MIPOL1: variants seen among roughly 807,000 people sequenced by gnomAD.
The protein encoded by MIPOL1 is mirror-image polydactyly 1.
Under a neutral mutation model 60.9 loss-of-function variants are expected in MIPOL1, and 57 were observed. That is an observed-to-expected ratio of 0.94 (90% CI 0.76 to 1.17). The LOEUF (loss-of-function observed/expected upper bound fraction) is 1.17. MIPOL1 is among the 50% of genes most tolerant of loss of function. The pLI is 0.00. For missense variants in MIPOL1, 551 were observed against 511.6 expected (o/e 1.08, Z -0.74); for synonymous variants, 179 against 168.8 (o/e 1.06, Z -0.47).
At chr14:37,493,022 A>C (rs1186753326) in intron 11 of MIPOL1, among the ~76,000 whole-genome samples, 1 of 152,224 alleles carries the variant, frequency 6.6e-6, no homozygotes. Context: ...ATTAAAATAA[A>C]TAGCATATAT....
In MIPOL1 at chr14:37,480,450, A is replaced by G. The variant is rs147032431; in HGVS notation, c.1032-19458A>G. ...ATTAACAGAATGAAAAACAAAAGCC[A>G]TGTGGTTATCTCATTAGATGCAGAA... is the stretch of plus-strand genomic sequence containing the variant. On this transcript the variant is annotated intron_variant, in intron 11 of 12. Coordinates refer to ENST00000684589, the MANE Select transcript of MIPOL1 (RefSeq NM_001388067.1). 1.5e-3 allele frequency among the ~76,000 whole-genome samples: 234 copies of G among 152,180 alleles called. 1 individual carries two copies. Among genetic ancestry groups the G allele is most frequent in the African/African-American group, 5.5e-3 (227 of 41,530 alleles).
chr14:37,498,023 G>A (rs1594739588), intron 11 of MIPOL1, among the ~76,000 whole-genome samples: 1 of 152,034 alleles, frequency 6.6e-6, no homozygotes, highest in Non-Finnish European at 1.5e-5. Context: ...AATAAGTTAC[G>A]GCATATGTAT....
chr14:37,221,934 C>T (rs1968839834), intron 1 of MIPOL1, among the ~76,000 whole-genome samples: 1 of 146,890 alleles, frequency 6.8e-6, no homozygotes, highest in Non-Finnish European at 1.5e-5. Context: ...GTTGTTCCAG[C>T]ATAAACTCAA....
At chr14:37,424,517 C>G (rs2093928586) in intron 11 of MIPOL1, among the ~76,000 whole-genome samples, 1 of 152,146 alleles carries the variant, frequency 6.6e-6, no homozygotes, top group South Asian at 2.1e-4. Flanking sequence ...GAACATAGCC[C>G]AGCCGACACC....
At chr14:37,361,626 T>TGCCTCTCTCGCAG (rs2092256104) in intron 9 of MIPOL1, among the ~76,000 whole-genome samples, 1 of 138,958 alleles carries the variant, frequency 7.2e-6, no homozygotes. Flanking sequence ...TTTTTTTTTT[T>TGCCTCTCTCGCAG]TTTTTTTTTT....
chr14:37,531,894 A>G (rs968881476), intron 12 of MIPOL1, among the ~76,000 whole-genome samples: 1 of 152,014 alleles, frequency 6.6e-6, no homozygotes, highest in South Asian at 2.1e-4. Context: ...ATAAGCTGTC[A>G]TCTTGGTGGA....
intron 3 of MIPOL1, among the ~76,000 whole-genome samples, chr14:37,252,152 A>T (rs1275885383): frequency 6.6e-6 from 1 of 151,638 alleles, no homozygotes; most frequent in Non-Finnish European, 1.5e-5. Context: ...TAGGTTTATT[A>T]TTTGGGGGGA....
intron 7 of MIPOL1, among the ~76,000 whole-genome samples, chr14:37,307,628 A>G (rs2086897011): frequency 6.6e-6 from 1 of 152,008 alleles, no homozygotes; most frequent in African/African-American, 2.4e-5. Context: ...CATTGCTTTT[A>G]AGGGAACATA....
rs185438829 is a variant in MIPOL1 at position 37,431,122 on chromosome 14, C to T, written c.1031+8173C>T. Among the ~76,000 whole-genome samples, 56 of 152,170 alleles carry T rather than the reference C, an allele frequency of 3.7e-4. 1 individual carries two copies. Among genetic ancestry groups the T allele is most frequent in the Non-Finnish European group, 5.6e-4 (38 of 68,000 alleles). On this transcript the variant is annotated intron_variant, in intron 11 of 12. Transcript: ENST00000684589. ...GGTCCTGGAATTTGATGTTTCTAAA[C>T]GTTGTTTCTATTAGCTTGAGAAAAA...
intron 11 of MIPOL1, among the ~76,000 whole-genome samples, chr14:37,425,177 A>G (rs1181729255): frequency 6.6e-6 from 1 of 152,164 alleles, no homozygotes; most frequent in Non-Finnish European, 1.5e-5. Context: ...CATTTATGGG[A>G]CAAGACAGTA....
chr14:37,502,514 C>G (rs1166485533), intron 12 of MIPOL1: 5 of 152,540 alleles, frequency 3.3e-5, no homozygotes, highest in Non-Finnish European at 7.3e-5. Context: ...TCCAACAGAC[C>G]TGCAGCTGAG....
chr14:37,520,354 G>A (rs2095404209), intron 12 of MIPOL1, among the ~76,000 whole-genome samples: 1 of 152,130 alleles, frequency 6.6e-6, no homozygotes, highest in Admixed American at 6.6e-5. Flanking sequence ...ATGAAAGTTA[G>A]GAAGGAACGA....
At chr14:37,266,388 G>A (rs1346048496) in intron 3 of MIPOL1, among the ~76,000 whole-genome samples, 1 of 152,076 alleles carries the variant, frequency 6.6e-6, no homozygotes, top group Non-Finnish European at 1.5e-5. Flanking sequence ...TTCTGTAATA[G>A]GCTGGCATTA....
chr14:37,424,422 A>G (rs1341425336), intron 11 of MIPOL1, among the ~76,000 whole-genome samples: 1 of 152,150 alleles, frequency 6.6e-6, no homozygotes, highest in Non-Finnish European at 1.5e-5. Context: ...CCATGTATCT[A>G]CAAGCCAAGG....
At chr14:37,413,783 C>G (rs2093717902) in intron 10 of MIPOL1, among the ~76,000 whole-genome samples, 1 of 152,136 alleles carries the variant, frequency 6.6e-6, no homozygotes, top group African/African-American at 2.4e-5. Context: ...GGAAACAAGG[C>G]AGTTCCTAAG....
At chr14:37,537,122 C>G (rs2095509640) in intron 12 of MIPOL1, among the ~76,000 whole-genome samples, 1 of 152,106 alleles carries the variant, frequency 6.6e-6, no homozygotes, top group Admixed American at 6.6e-5. Context: ...ATGACTATCA[C>G]AAGATATTGG....
chr14:37,510,822 C>T (rs1477299636), intron 12 of MIPOL1, among the ~76,000 whole-genome samples: 1 of 152,124 alleles, frequency 6.6e-6, no homozygotes, highest in African/African-American at 2.4e-5. Flanking sequence ...AATACTTTTT[C>T]TTCCAACCCA....
chr14:37,404,683 G>C (rs534013912), intron 10 of MIPOL1, among the ~76,000 whole-genome samples: 1 of 152,278 alleles, frequency 6.6e-6, no homozygotes, highest in African/African-American at 2.4e-5. Context: ...TAAAGCTATA[G>C]TTACTGAAAC....
chr14:37,259,189 T>G (rs1340605378), intron 3 of MIPOL1, among the ~76,000 whole-genome samples: 1 of 152,172 alleles, frequency 6.6e-6, no homozygotes, highest in Non-Finnish European at 1.5e-5. Flanking sequence ...CAGTATCTTA[T>G]AGCTACACGT....
Sources: gnomAD v4.1 joint callset for allele counts (sites outside exome capture counted in the v4.1 genomes callset) on GRCh38, gnomAD v4.1.1 for gene constraint, MANE v1.5 for transcripts, NCBI Gene and HGNC (gene_info 2026-07-23, HGNC 2026-07-21) for gene names.